KCNH7: variants seen among roughly 807,000 people sequenced by gnomAD.
KCNH7 encodes voltage-gated inwardly rectifying potassium channel KCNH7.
In KCNH7, 49 loss-of-function variants were observed where a neutral mutation model predicts 120.8. The observed-to-expected ratio is 0.41, with a 90% CI of 0.32 to 0.51. The LOEUF (loss-of-function observed/expected upper bound fraction) is 0.51, where lower values mean the gene tolerates loss of function less well. KCNH7 is among the 20% of genes least tolerant of loss of function. The pLI, the probability that KCNH7 is intolerant of heterozygous loss-of-function variation, is 0.38. For synonymous variants in KCNH7, 547 were observed against 516.1 expected (o/e 1.06, Z -0.81); for missense variants, 1,097 against 1,446.6 (o/e 0.76, Z 3.92).
chr2:162,651,368 C>T (rs1227073913), intron 2 of KCNH7, among the ~76,000 whole-genome samples: 1 of 152,060 alleles, frequency 6.6e-6, no homozygotes, highest in Admixed American at 6.5e-5. Flanking sequence ...CCTCCTCCCA[C>T]CCCACCCCCA....
chr2:162,459,286 C>T lies in KCNH7; in HGVS notation c.1129-12843G>A, dbSNP rs1038988190. Among the ~76,000 whole-genome samples, 7 of 151,962 alleles carry T rather than the reference C, an allele frequency of 4.6e-5. No individual in the cohort carries two copies. In the South Asian group the frequency reaches 8.3e-4, roughly 18 times the overall value. ...TGTATATAGTAAGCATCTCAAATTC[C>T]TGAACATGTTTGTAGCTTAAAGAGA... On this transcript the variant is annotated intron_variant, in intron 6 of 15. Transcript: ENST00000332142.
chr2:162,573,353 A>G (rs1317712568), intron 2 of KCNH7, among the ~76,000 whole-genome samples: 3 of 152,028 alleles, frequency 2.0e-5, no homozygotes. Context: ...TGAAGAAGAG[A>G]AACTATTAAA....
chr2:162,402,576 C>G (rs921912624), intron 9 of KCNH7, among the ~76,000 whole-genome samples: 7 of 151,424 alleles, frequency 4.6e-5, no homozygotes, highest in African/African-American at 1.7e-4. Context: ...ATGTATAAAG[C>G]ATTACACCAA....
At chr2:162,505,375 A>G (rs2105755831) in intron 5 of KCNH7, among the ~76,000 whole-genome samples, 1 of 152,016 alleles carries the variant, frequency 6.6e-6, no homozygotes, top group African/African-American at 2.4e-5. Context: ...AGGCGCTATT[A>G]AAAACCGCAA....
chr2:162,404,435 T>C (rs774757092), intron 9 of KCNH7, among the ~76,000 whole-genome samples: 5 of 151,950 alleles, frequency 3.3e-5, no homozygotes, highest in Non-Finnish European at 5.9e-5. Context: ...ATCCATCTCA[T>C]GTTGAAATAT....
intron 2 of KCNH7, among the ~76,000 whole-genome samples, chr2:162,593,086 G>A (rs1004828256): frequency 3.3e-5 from 5 of 151,986 alleles, no homozygotes; most frequent in African/African-American, 1.2e-4. Flanking sequence ...GGACTTATGA[G>A]CCACACAAGG....
At chr2:162,769,797 A>G (rs1329844514) in intron 2 of KCNH7, among the ~76,000 whole-genome samples, 1 of 152,146 alleles carries the variant, frequency 6.6e-6, no homozygotes, top group Non-Finnish European at 1.5e-5. Flanking sequence ...GAAGCAAAAC[A>G]TTAAAAACGG....
chr2:162,682,797 T>G (rs1406337759), intron 2 of KCNH7, among the ~76,000 whole-genome samples: 1 of 151,766 alleles, frequency 6.6e-6, no homozygotes, highest in Non-Finnish European at 1.5e-5. Context: ...AAGAGACCTA[T>G]CTGTATTTGT....
chr2:162,702,487 T>G (rs1471973092), intron 2 of KCNH7, among the ~76,000 whole-genome samples: 2 of 152,172 alleles, frequency 1.3e-5, no homozygotes, highest in East Asian at 1.9e-4. Context: ...GTCTCAAATG[T>G]TATTACTCAT....
chr2:162,548,056 A>G (rs1692541407), intron 2 of KCNH7, among the ~76,000 whole-genome samples: 2 of 152,164 alleles, frequency 1.3e-5, no homozygotes, highest in Non-Finnish European at 2.9e-5. Flanking sequence ...ACAAAAGTTC[A>G]TATTCTGTTG....
chr2:162,668,348 C>T (rs945221919), intron 2 of KCNH7, among the ~76,000 whole-genome samples: 1 of 152,116 alleles, frequency 6.6e-6, no homozygotes, highest in African/African-American at 2.4e-5. Context: ...AACTTAGAGC[C>T]TCAAGAGACT....
intron 2 of KCNH7, among the ~76,000 whole-genome samples, chr2:162,719,483 C>T (rs1406110692): frequency 1.3e-5 from 2 of 151,874 alleles, no homozygotes; most frequent in Non-Finnish European, 2.9e-5. Context: ...CTAAAGTGAA[C>T]TGGATTATTT....
At chr2:162,611,044 A>C (rs1261900200) in intron 2 of KCNH7, among the ~76,000 whole-genome samples, 2 of 152,156 alleles carry the variant, frequency 1.3e-5, no homozygotes, top group African/African-American at 4.8e-5. Flanking sequence ...TATGAGAGTA[A>C]ATTTATAGGC....
Position 162,400,274 on chromosome 2 carries a change from G to C in KCNH7, c.2322C>G (p.His774Gln). Residue 774 changes from histidine to glutamine, a missense_variant, in exon 10 of 16, where the codon CAC becomes CAG. This residue lies in a region of KCNH7 where 101 missense variants were observed against 176.3 expected (regional missense o/e 0.57). Coordinates refer to ENST00000332142, the MANE Select transcript of KCNH7 (RefSeq NM_033272.4). ...THAPPGDTLV[H>Q]CGDVLTALYF... ...AAAGTGCAGTGAGGACATCCCCACA[G>C]TGAACGAGGGTGTCTCCTGGAGGTG... 1 of 1,612,452 alleles carries C rather than the reference G, an allele frequency of 6.2e-7. No homozygotes were observed. Among genetic ancestry groups the C allele is most frequent in the Non-Finnish European group, 8.5e-7 (1 of 1,178,998 alleles).
intron 2 of KCNH7, among the ~76,000 whole-genome samples, chr2:162,666,607 A>G (rs760598849): frequency 1.3e-5 from 2 of 152,064 alleles, no homozygotes; most frequent in African/African-American, 4.8e-5. Flanking sequence ...CTGTAGCTAC[A>G]ATAAGTGTTT....
intron 2 of KCNH7, among the ~76,000 whole-genome samples, chr2:162,756,212 T>G (rs751998199): frequency 6.6e-6 from 1 of 152,156 alleles, no homozygotes; most frequent in Non-Finnish European, 1.5e-5. Context: ...TTTAATAGTA[T>G]GAGCTAAACC....
intron 3 of KCNH7, among the ~76,000 whole-genome samples, chr2:162,527,278 C>T (rs1691741126): frequency 6.6e-6 from 1 of 151,916 alleles, no homozygotes; most frequent in Non-Finnish European, 1.5e-5. Flanking sequence ...ACATTAGTTA[C>T]AGTATAAAAC....
intron 2 of KCNH7, among the ~76,000 whole-genome samples, chr2:162,603,655 C>T (rs1694633317): frequency 6.6e-6 from 1 of 152,056 alleles, no homozygotes; most frequent in Non-Finnish European, 1.5e-5. Context: ...GCCCAAAGAA[C>T]TGGACATAAA....
intron 2 of KCNH7, among the ~76,000 whole-genome samples, chr2:162,574,522 A>G (rs1693603561): frequency 6.6e-6 from 1 of 152,080 alleles, no homozygotes; most frequent in Non-Finnish European, 1.5e-5. Context: ...AATGTAAGCT[A>G]TTTAATTAAT....
Sources: allele counts gnomAD v4.1 joint callset (sites outside exome capture counted in the v4.1 genomes callset), GRCh38; gene constraint gnomAD v4.1.1; regional missense constraint gnomAD v4.1.1; transcripts MANE v1.5; gene names NCBI Gene and HGNC (gene_info 2026-07-23, HGNC 2026-07-21).